The following ATP6V1E2 variants were observed in gnomAD, a reference collection of about 807,000 sequenced individuals.
ATP6V1E2 encodes the protein ATPase H+ transporting V1 subunit E2.
For synonymous variants in ATP6V1E2, 121 were observed against 104.2 expected (o/e 1.16, Z -0.98); for missense variants, 308 against 273.3 (o/e 1.13, Z -0.90).
At chr2:46,527,442 C>T (rs1308802249) in intron 4 of ATP6V1E2, among the ~76,000 whole-genome samples, 1 of 152,132 alleles carries the variant, frequency 6.6e-6, no homozygotes, top group African/African-American at 2.4e-5. Flanking sequence ...AGGATGGTCT[C>T]GATCTCCTGA....
intron 2 of ATP6V1E2, among the ~76,000 whole-genome samples, chr2:46,538,326 G>C (rs958606023): frequency 2.0e-5 from 3 of 152,176 alleles, no homozygotes; most frequent in African/African-American, 7.2e-5. Context: ...TATGGCAAAT[G>C]CATTAGCTTT....
intron 4 of ATP6V1E2, among the ~76,000 whole-genome samples, chr2:46,514,724 G>A (rs1183381484): frequency 6.6e-6 from 1 of 152,134 alleles, no homozygotes; most frequent in Non-Finnish European, 1.5e-5. Context: ...GGGAAAAAAG[G>A]ATAGAAAGTT....
chr2:46,529,884 C>T (rs573659948), intron 4 of ATP6V1E2, among the ~76,000 whole-genome samples: 9 of 152,174 alleles, frequency 5.9e-5, no homozygotes, highest in South Asian at 2.1e-4. Context: ...CAACCTTCTT[C>T]GAGTTGAAGG....
chr2:46,539,490 G>C (rs1667615285), intron 2 of ATP6V1E2, among the ~76,000 whole-genome samples: 4 of 152,268 alleles, frequency 2.6e-5, no homozygotes, highest in Admixed American at 2.0e-4. Context: ...TGCCTTTGTA[G>C]TAAGCGTGTG....
chr2:46,539,558 G>T (rs1667621970), intron 2 of ATP6V1E2, among the ~76,000 whole-genome samples: 1 of 152,228 alleles, frequency 6.6e-6, no homozygotes, highest in African/African-American at 2.4e-5. Flanking sequence ...TTGTACAGTG[G>T]AGACTGCCCA....
In ATP6V1E2 at chr2:46,542,545, C is replaced by A. The variant is rs1667842610; in HGVS notation, c.-702G>T. 6.7e-6 allele frequency: 1 copy of A among 148,618 alleles called. No individual in the cohort carries two copies. The highest frequency in any genetic ancestry group is 2.1e-4 in the South Asian group (1 of 4,822). The allele number at this position is 148,618 out of a possible 1,614,324, so 9.2% of individuals were successfully genotyped here. A position where few individuals can be genotyped will look rare whatever the true frequency, so the allele number is the denominator to read the frequency against. On this transcript the variant is annotated 5_prime_UTR_variant, in exon 1 of 5. Coordinates refer to ENST00000522587, the MANE Select transcript of ATP6V1E2 (RefSeq NM_001318063.2). ...CGCAGGGAGTGGGGCTCGGGTGCGC[C>A]GGCAGGGCCGCGCGGCGGCAGCAGG...
rs1687480588 is a variant in ATP6V1E2, at chr2:46,512,061, ACCAAACAAGG to A, written c.641_650del (p.Ala214ValfsTer35). On this transcript the variant is annotated frameshift_variant, in exon 5 of 5. Transcript: ENST00000522587. LOFTEE classifies it high-confidence loss of function. ...TAAAGAACTTTCTGTTGGTGTTAGCACCAAACAAGGCCATTCGTATTTCTGGCATCTTTTG... is the reference window on the plus strand; with the variant it reads ...TAAAGAACTTTCTGTTGGTGTTAGCACCATTCGTATTTCTGGCATCTTTTG... The A allele has an allele frequency of 6.2e-7, 1 of 1,609,568 alleles. No individual in the cohort carries two copies. The highest frequency in any genetic ancestry group is 1.7e-5 in the Admixed American group (1 of 59,482).
intron 4 of ATP6V1E2, chr2:46,534,710 T>C (rs1003034870): frequency 4.6e-5 from 7 of 152,214 alleles, no homozygotes; most frequent in Non-Finnish European, 7.3e-5. Flanking sequence ...TTCTAAACCT[T>C]GTTGGAGGAA....
At chr2:46,534,741 T>C (rs973262741) in intron 4 of ATP6V1E2, 1 of 142,920 alleles carries the variant, frequency 7.0e-6, no homozygotes, top group African/African-American at 2.6e-5. Context: ...ACCTCACTTT[T>C]CGGCTTAGTT....
In ATP6V1E2 at chr2:46,535,775, T is replaced by C. The variant is rs2103933204; in HGVS notation, c.-102+38A>G. On this transcript the variant is annotated intron_variant, in intron 4 of 4. Coordinates refer to ENST00000522587, the MANE Select transcript of ATP6V1E2 (RefSeq NM_001318063.2). The surrounding 1 kb of genome is among the most constrained non-coding windows in gnomAD (Gnocchi z 4.4). ...CAAGAGTCTGTAATTTCAGCTTCTA[T>C]AAGGAAGGGATATTCTTTTCTTCCC... 1 of 152,322 alleles carries C rather than the reference T, an allele frequency of 6.6e-6. No individual in the cohort carries two copies. Among genetic ancestry groups the C allele is most frequent in the African/African-American group, 2.4e-5 (1 of 41,546 alleles). The allele number at this position is 152,322 out of a possible 1,614,324, so 9.4% of individuals were successfully genotyped here. A position where few individuals can be genotyped will look rare whatever the true frequency, so the allele number is the denominator to read the frequency against.
In ATP6V1E2 at chr2:46,512,013, G is replaced by A. The variant is rs779150772; in HGVS notation, c.*18C>T. On this transcript the variant is annotated 3_prime_UTR_variant, in exon 5 of 5. Coordinates refer to ENST00000522587, the MANE Select transcript of ATP6V1E2 (RefSeq NM_001318063.2). ...TTTATGGTTTAGTGGTTCAACACTAGCTTCACTTCCCAGAGGCTTATATAA... is the reference window on the plus strand; with the variant it reads ...TTTATGGTTTAGTGGTTCAACACTAACTTCACTTCCCAGAGGCTTATATAA... The A allele has an allele frequency of 5.8e-6, 9 of 1,547,022 alleles. No homozygotes were observed. The South Asian group carries it at 1.1e-4, about 20-fold the overall frequency.
At chr2:46,541,612 C>T (rs768020471) in intron 1 of ATP6V1E2, 159 bp from the exon 2 acceptor site, 23 of 152,372 alleles carry the variant, frequency 1.5e-4, no homozygotes, top group South Asian at 4.1e-4. Context: ...TCCAGTTGAC[C>T]TCCGCGCTGC....
At chr2:46,514,283 AAAAT>A (rs946487060) in intron 4 of ATP6V1E2, among the ~76,000 whole-genome samples, 1 of 142,408 alleles carries the variant, frequency 7.0e-6, no homozygotes, top group African/African-American at 2.6e-5. Context: ...CTGTCTCAAA[AAAAT>A]AAATAAATAA....
chr2:46,527,929 C>G (rs2103895710), intron 4 of ATP6V1E2: 1 of 152,210 alleles, frequency 6.6e-6, no homozygotes, highest in Admixed American at 6.5e-5. Context: ...CTCTGTGGTC[C>G]TGAGCACTCA....
rs559953235 is a variant in ATP6V1E2 at position 46,520,853 on chromosome 2, C to T, written c.-101-8041G>A. Among the ~76,000 whole-genome samples, 9 of 148,586 alleles carry T rather than the reference C, an allele frequency of 6.1e-5. No homozygotes were observed. In the East Asian group the frequency reaches 1.8e-3, roughly 29 times the overall value. On this transcript the variant is annotated intron_variant, in intron 4 of 4. Coordinates refer to ENST00000522587, the MANE Select transcript of ATP6V1E2 (RefSeq NM_001318063.2). ...TAAGGGCTTGGGGATGGAAGGGAGGCTTTTTTTTTTCTTTTTTGCCTTTTT... is the reference window on the plus strand; with the variant it reads ...TAAGGGCTTGGGGATGGAAGGGAGGTTTTTTTTTTTCTTTTTTGCCTTTTT...
chr2:46,526,341 C>T (rs1666919153), intron 4 of ATP6V1E2, among the ~76,000 whole-genome samples: 1 of 152,146 alleles, frequency 6.6e-6, no homozygotes, highest in East Asian at 1.9e-4. Context: ...TCTTGAACTC[C>T]TGGACCTTCA....
At chr2:46,521,126 G>C (rs1043602365) in intron 4 of ATP6V1E2, among the ~76,000 whole-genome samples, 2 of 152,164 alleles carry the variant, frequency 1.3e-5, no homozygotes, top group Non-Finnish European at 2.9e-5. Flanking sequence ...TGCTGAGGCC[G>C]ATATCAAATT....
rs138593929 is a variant in ATP6V1E2 at position 46,512,601 on chromosome 2, C to G, written c.111G>C (p.Glu37Asp). ...CGAGGCGTCCTTTCTCAATGTTAAA[C>G]TCTTCCTCAGCCTTGGCATCGATTT... ...AEEIDAKAEE[E>D]FNIEKGRLVQ... Residue 37 changes from glutamate (E) to aspartate (D), a missense_variant, in exon 5 of 5, where the codon GAG becomes GAC. By Grantham distance (45) the Glu-to-Asp change is conservative (BLOSUM62 2). Transcript: ENST00000522587. The G allele has an allele frequency of 1.0e-4, 169 of 1,614,242 alleles. No homozygotes were observed. In the South Asian group the frequency reaches 1.7e-3, roughly 16 times the overall value.
Position 46,512,053 on chromosome 2 carries a change from G to A in ATP6V1E2, c.659C>T (p.Thr220Ile), listed in dbSNP as rs569673510. ...GGCTTATATAAAGAACTTTCTGTTG[G>A]TGTTAGCACCAAACAAGGCCATTCG... ...EIRMALFGANTNRKFFI is the reference protein window; with the variant it reads ...EIRMALFGANINRKFFI Residue 220 changes from threonine (T) to isoleucine (I), a missense_variant, in exon 5 of 5, where the codon ACC becomes ATC. Coordinates refer to ENST00000522587, the MANE Select transcript of ATP6V1E2 (RefSeq NM_001318063.2). 3 of 1,607,024 alleles carry A rather than the reference G, an allele frequency of 1.9e-6. No individual in the cohort carries two copies. The African/African-American group carries it at 4.0e-5, about 21-fold the overall frequency.
Sources: allele counts gnomAD v4.1 joint callset (sites outside exome capture counted in the v4.1 genomes callset), GRCh38; gene constraint gnomAD v4.1.1; non-coding constraint Gnocchi (gnomAD v3.1); transcripts MANE v1.5; gene names NCBI Gene and HGNC (gene_info 2026-07-23, HGNC 2026-07-21).